The following PCDH9 variants were observed in gnomAD, a reference collection of about 807,000 sequenced individuals.
The protein encoded by PCDH9 is protocadherin-9.
In PCDH9, 24 loss-of-function variants were observed where a neutral mutation model predicts 70.6. That is an observed-to-expected ratio of 0.34 (90% confidence interval 0.25 to 0.48). PCDH9 has a LOEUF of 0.48. Among genes scored for constraint, PCDH9 ranks in the 20% least tolerant of loss-of-function variants. The pLI is 0.99. For synonymous variants in PCDH9, 562 were observed against 558.5 expected (o/e 1.01, Z -0.09); for missense variants, 1,281 against 1,503.6 (o/e 0.85, Z 2.45).
intron 4 of PCDH9, among the ~76,000 whole-genome samples, chr13:66,560,032 C>T (rs1961937854): frequency 6.6e-6 from 1 of 151,552 alleles, no homozygotes; most frequent in African/African-American, 2.4e-5. Flanking sequence ...TTATTTTGTC[C>T]AAAATATAAT....
intron 4 of PCDH9, among the ~76,000 whole-genome samples, chr13:66,313,981 G>A (rs377052645): frequency 1.3e-5 from 2 of 152,084 alleles, no homozygotes; most frequent in Non-Finnish European, 2.9e-5. Flanking sequence ...GTAGGTATAC[G>A]CGTGTGTATT....
At chr13:67,111,353 C>A (rs1224751167) in intron 2 of PCDH9, among the ~76,000 whole-genome samples, 1 of 151,994 alleles carries the variant, frequency 6.6e-6, no homozygotes, top group African/African-American at 2.4e-5. Flanking sequence ...GCCAAGTGAT[C>A]CTTCAAGCTA....
In PCDH9 at chr13:67,226,115, C is replaced by G; in HGVS notation, c.2326G>C (p.Asp776His). 2 of 1,614,108 alleles carry G rather than the reference C, an allele frequency of 1.2e-6. No homozygotes were observed. The highest frequency in any genetic ancestry group is 1.1e-5 in the South Asian group (1 of 91,082). The change falls in exon 2 of 5, where the codon GAC (aspartate) becomes CAC (histidine). Residue 776 changes from aspartate (D) to histidine (H), a missense_variant. Coordinates refer to ENST00000377865, the MANE Select transcript of PCDH9 (RefSeq NM_203487.3). The surrounding 1 kb of genome is among the most constrained non-coding windows in gnomAD (Gnocchi z 5.0). ...TLVLVFLYVN[D>H]TAGNASYIYD... Reference sequence around the variant, plus strand: ...ATATAGGAGGCATTTCCAGCAGTGTCGTTAACATAAAGGAATACAAGCACA... The same window carrying G: ...ATATAGGAGGCATTTCCAGCAGTGTGGTTAACATAAAGGAATACAAGCACA...
chr13:67,080,459 ATACT>A (rs1320413826), intron 2 of PCDH9, among the ~76,000 whole-genome samples: 6 of 152,210 alleles, frequency 3.9e-5, no homozygotes, highest in Non-Finnish European at 7.3e-5. Flanking sequence ...ATTTTCAAAA[ATACT>A]ATTGTGATGG....
At chr13:67,169,381 A>G (rs2088213380) in intron 2 of PCDH9, among the ~76,000 whole-genome samples, 1 of 152,172 alleles carries the variant, frequency 6.6e-6, no homozygotes, top group Non-Finnish European at 1.5e-5. Context: ...AAGAATTTAA[A>G]CACTGCTCTG....
chr13:66,766,591 G>C (rs1221239958), intron 3 of PCDH9, among the ~76,000 whole-genome samples: 3 of 151,766 alleles, frequency 2.0e-5, no homozygotes, highest in Non-Finnish European at 4.4e-5. Flanking sequence ...AGAAGAATAA[G>C]AATAAGGAGG....
intron 3 of PCDH9, among the ~76,000 whole-genome samples, chr13:66,646,209 T>C (rs932700505): frequency 2.0e-5 from 3 of 152,190 alleles, no homozygotes; most frequent in Non-Finnish European, 4.4e-5. Flanking sequence ...TAAACAGAGA[T>C]GTAGTGATGT....
intron 4 of PCDH9, among the ~76,000 whole-genome samples, chr13:66,563,682 A>G (rs772558333): frequency 7.2e-5 from 11 of 152,108 alleles, no homozygotes; most frequent in Non-Finnish European, 1.5e-4. Context: ...AGCCCATTCA[A>G]TTCTCAAGAC....
intron 3 of PCDH9, among the ~76,000 whole-genome samples, chr13:66,859,605 T>C (rs539151651): frequency 6.6e-6 from 1 of 152,346 alleles, no homozygotes; most frequent in South Asian, 2.1e-4. Flanking sequence ...TAAACCAGTA[T>C]ATAATACTGT....
chr13:66,325,034 G>A (rs572806810), intron 4 of PCDH9, among the ~76,000 whole-genome samples: 16 of 151,148 alleles, frequency 1.1e-4, no homozygotes, highest in Admixed American at 2.0e-4. Flanking sequence ...TATAAACATT[G>A]TACCCACTAT....
chr13:66,411,972 C>A (rs2138325237), intron 4 of PCDH9, among the ~76,000 whole-genome samples: 1 of 152,250 alleles, frequency 6.6e-6, no homozygotes, highest in Non-Finnish European at 1.5e-5. Context: ...GTAACTGTTC[C>A]TTTAGAAACC....
At chr13:66,463,645 T>C (rs1044590021) in intron 4 of PCDH9, among the ~76,000 whole-genome samples, 1 of 151,810 alleles carries the variant, frequency 6.6e-6, no homozygotes, top group African/African-American at 2.4e-5. Context: ...TCTATTTTTT[T>C]TGTGGACCAC....
chr13:66,677,285 A>C lies in PCDH9; in HGVS notation c.3139-45874T>G, dbSNP rs140348610. Among the ~76,000 whole-genome samples, 353 of 152,294 alleles carry C rather than the reference A, an allele frequency of 2.3e-3. 2 individuals are homozygous for C. The highest frequency in any genetic ancestry group is 8.2e-3 in the African/African-American group (342 of 41,566). On this transcript the variant is annotated intron_variant, in intron 3 of 4. Coordinates refer to ENST00000377865, the MANE Select transcript of PCDH9 (RefSeq NM_203487.3). ...ATGCATGTCTAAGTTAACATATAAA[A>C]AGCCACTTGTCAACAATGTTTTTAA...
intron 4 of PCDH9, among the ~76,000 whole-genome samples, chr13:66,549,847 T>C (rs1189600100): frequency 1.3e-5 from 2 of 152,126 alleles, no homozygotes; most frequent in Non-Finnish European, 2.9e-5. Context: ...GGCGAGACCC[T>C]ATCTCTATTT....
chr13:66,566,261 T>G (rs1030739101), intron 4 of PCDH9, among the ~76,000 whole-genome samples: 6 of 152,206 alleles, frequency 3.9e-5, no homozygotes, highest in African/African-American at 1.4e-4. Flanking sequence ...AAAGAACTAA[T>G]GTGTTTCACT....
intron 2 of PCDH9, among the ~76,000 whole-genome samples, chr13:67,094,638 G>C (rs2086283939): frequency 6.6e-6 from 1 of 151,532 alleles, no homozygotes; most frequent in African/African-American, 2.4e-5. Context: ...TACCAAGAAG[G>C]ACTTCTGACA....
intron 4 of PCDH9, among the ~76,000 whole-genome samples, chr13:66,409,108 G>A (rs928803544): frequency 6.6e-6 from 1 of 152,024 alleles, no homozygotes; most frequent in African/African-American, 2.4e-5. Flanking sequence ...ACTGGATTGG[G>A]TAGAGGCAGA....
At chr13:66,904,546 C>A (rs999883278) in intron 2 of PCDH9, among the ~76,000 whole-genome samples, 7 of 152,026 alleles carry the variant, frequency 4.6e-5, no homozygotes, top group Middle Eastern at 3.4e-3. Flanking sequence ...TATACCTTTT[C>A]TTCTTAAATA....
At chr13:67,058,954 G>T (rs2085477501) in intron 2 of PCDH9, among the ~76,000 whole-genome samples, 1 of 152,014 alleles carries the variant, frequency 6.6e-6, no homozygotes, top group Non-Finnish European at 1.5e-5. Flanking sequence ...GGGCATTTTA[G>T]TAGATAACCA....
Sources: gnomAD v4.1 joint callset for allele counts (sites outside exome capture counted in the v4.1 genomes callset) on GRCh38, gnomAD v4.1.1 for gene constraint, Gnocchi (gnomAD v3.1) non-coding constraint, MANE v1.5 for transcripts, NCBI Gene and HGNC (gene_info 2026-07-23, HGNC 2026-07-21) for gene names.